BANP: variants seen among roughly 807,000 people sequenced by gnomAD.
BANP encodes protein BANP.
Under a neutral mutation model 68.1 loss-of-function variants are expected in BANP, and 11 were observed. That is an observed-to-expected ratio of 0.16 (90% confidence interval 0.10 to 0.27). The LOEUF is 0.27. BANP is among the 10% of genes least tolerant of loss of function. BANP has a pLI of 1.00. For synonymous variants in BANP, 329 were observed against 303.2 expected (o/e 1.09, Z -0.88); for missense variants, 504 against 722.7 (o/e 0.70, Z 3.47).
Position 88,018,751 on chromosome 16 carries a change from C to T in BANP, c.895+84C>T, listed in dbSNP as rs1042718331. On this transcript the variant is annotated intron_variant, in intron 7 of 13. Transcript: ENST00000682872. This position sits in a 1 kb window ranked among gnomAD's most constrained non-coding sequence, Gnocchi z 7.7. ...ATTTCAATGCTGAGGACGCTGGCAT[C>T]AGTAGCACCGGCACGGGGCTGCGTT... 4 of 1,466,712 alleles carry T rather than the reference C, an allele frequency of 2.7e-6. No individual in the cohort carries two copies. Among genetic ancestry groups the T allele is most frequent in the African/African-American group, 2.8e-5 (2 of 71,240 alleles). The allele number at this position is 1,466,712 out of a possible 1,614,324, so 90.9% of individuals were successfully genotyped here.
chr16:87,956,887 T>C (rs1206146077), intron 1 of BANP: 3 of 152,182 alleles, frequency 2.0e-5, no homozygotes, highest in Non-Finnish European at 4.4e-5. Flanking sequence ...TGAAGTGCTG[T>C]CCCAGAAGCC....
intron 7 of BANP, among the ~76,000 whole-genome samples, chr16:88,022,404 C>G (rs961370173): frequency 6.6e-6 from 1 of 152,188 alleles, no homozygotes; most frequent in Non-Finnish European, 1.5e-5. Context: ...CTAGCAGTTA[C>G]GGAAAGACTG....
intron 2 of BANP, chr16:87,980,524 G>A (rs2063056025): frequency 6.3e-6 from 1 of 159,240 alleles, no homozygotes; most frequent in Non-Finnish European, 1.4e-5. Context: ...GCCTGGGAGG[G>A]TCGGGGTTCT....
At chr16:87,967,271 T>G (rs1315962351) in intron 1 of BANP, among the ~76,000 whole-genome samples, 4 of 143,742 alleles carry the variant, frequency 2.8e-5, no homozygotes, top group African/African-American at 1.1e-4. Flanking sequence ...TTTTTTTTTT[T>G]TTTTTTTTTG....
chr16:87,995,711 G>C (rs534981344), intron 4 of BANP, among the ~76,000 whole-genome samples: 1 of 152,340 alleles, frequency 6.6e-6, no homozygotes, highest in Non-Finnish European at 1.5e-5. Flanking sequence ...TATCCTGATG[G>C]AGTTCCTCCT....
chr16:87,978,733 A>T (rs535985227), intron 2 of BANP: 235 of 457,430 alleles, frequency 5.1e-4, no homozygotes, highest in African/African-American at 4.4e-3. Flanking sequence ...CCAGTGTGTG[A>T]CCAGTGTGTC....
At chr16:88,023,070 C>T (rs2076314881) in intron 7 of BANP, among the ~76,000 whole-genome samples, 1 of 152,152 alleles carries the variant, frequency 6.6e-6, no homozygotes, top group African/African-American at 2.4e-5. Context: ...TGAGGCTGCC[C>T]TATATGTGTC....
chr16:87,999,222 G>A (rs74707362), intron 4 of BANP, among the ~76,000 whole-genome samples: 9 of 122,862 alleles, frequency 7.3e-5, no homozygotes, highest in Non-Finnish European at 1.5e-4. Flanking sequence ...TTCCAGACAC[G>A]TCTCCATGCA....
At chr16:88,073,866 T>G (rs1421906669) in intron 13 of BANP, among the ~76,000 whole-genome samples, 1 of 152,246 alleles carries the variant, frequency 6.6e-6, no homozygotes, top group East Asian at 1.9e-4. Context: ...TCCTGTAAGC[T>G]CTCTCTGTTA....
chr16:88,004,393 T>C lies in BANP; in HGVS notation c.461T>C (p.Leu154Pro). The C allele has an allele frequency of 6.5e-7, 1 of 1,537,684 alleles. No individual in the cohort carries two copies. Among genetic ancestry groups the C allele is most frequent in the Non-Finnish European group, 8.8e-7 (1 of 1,136,624 alleles). ...DPLSNRAPDS[L>P]ENVISNAVPG... Reference sequence around the variant, plus strand: ...TTGAGCAACAGGGCACCGGATTCCCTGGAAAATGTCATTAGCAAGTCAGTA... The same window carrying C: ...TTGAGCAACAGGGCACCGGATTCCCCGGAAAATGTCATTAGCAAGTCAGTA... The change falls in exon 5 of 14, where the codon CTG becomes CCG. Residue 154 changes from leucine (L) to proline (P), a missense_variant. Physicochemically the swap from Leu to Pro is moderately conservative, Grantham distance 98. This residue lies in a region of BANP where 238 missense variants were observed against 278.9 expected (regional missense o/e 0.85). Coordinates refer to ENST00000682872, the MANE Select transcript of BANP (RefSeq NM_001386991.1). This position sits in a 1 kb window ranked among gnomAD's most constrained non-coding sequence, Gnocchi z 7.0.
At chr16:88,015,597 C>T (rs2074353997) in intron 6 of BANP, among the ~76,000 whole-genome samples, 1 of 152,252 alleles carries the variant, frequency 6.6e-6, no homozygotes, top group Admixed American at 6.5e-5. Flanking sequence ...TCCCGCTTCC[C>T]TGCTTGGGGT....
In BANP at chr16:88,071,415, A is replaced by G. The variant is rs1187125018; in HGVS notation, c.1378-654A>G. On this transcript the variant is annotated intron_variant, in intron 12 of 13. Transcript: ENST00000682872. This position sits in a 1 kb window ranked among gnomAD's most constrained non-coding sequence, Gnocchi z 6.5. The stretch of plus-strand genomic sequence containing the variant: ...GCGATGGGGTCACCAGAGCCCACCC[A>G]GGGGCCTCGCCTGTCCCCCATTCTC... The G allele has an allele frequency of 8.8e-6, 4 of 452,944 alleles. No homozygotes were observed. The highest frequency in any genetic ancestry group is 1.8e-5 in the Non-Finnish European group (4 of 224,912). The allele number at this position is 452,944 out of a possible 1,614,324, so 28.1% of individuals were successfully genotyped here. A position where few individuals can be genotyped will look rare whatever the true frequency, so the allele number is the denominator to read the frequency against.
At chr16:87,997,834 T>C (rs954708639) in intron 4 of BANP, among the ~76,000 whole-genome samples, 1 of 152,256 alleles carries the variant, frequency 6.6e-6, no homozygotes, top group African/African-American at 2.4e-5. Context: ...TGTTACTTCC[T>C]GGTGAGTCCC....
Position 88,052,728 on chromosome 16 carries a change from C to T in BANP, c.1312-12539C>T, listed in dbSNP as rs532937840. Among the ~76,000 whole-genome samples the T allele has an allele frequency of 3.8e-4, 58 of 152,000 alleles. 3 individuals are homozygous for T. The South Asian group carries it at 9.8e-3, about 26-fold the overall frequency. ...TCTCCATCATCATCACCAACCCAACCACCCTAACCACTACCACCACCACCT... is the reference window on the plus strand; with the variant it reads ...TCTCCATCATCATCACCAACCCAACTACCCTAACCACTACCACCACCACCT... On this transcript the variant is annotated intron_variant, in intron 11 of 13. Transcript: ENST00000682872.
intron 6 of BANP, among the ~76,000 whole-genome samples, chr16:88,016,623 G>A (rs2074624852): frequency 6.6e-6 from 1 of 152,240 alleles, no homozygotes; most frequent in Admixed American, 6.5e-5. Context: ...TACATTCGTA[G>A]AATCCCCGGA....
chr16:88,018,175 G>A lies in BANP; in HGVS notation c.656-253G>A, dbSNP rs1360257720. On this transcript the variant is annotated intron_variant, in intron 6 of 13. Transcript: ENST00000682872. The surrounding 1 kb of genome is among the most constrained non-coding windows in gnomAD (Gnocchi z 7.7). ...GTGACCGTGTTGGCGCTCAGGTCCC[G>A]AGGCCCTGCAGCCCCACAGGCACGT... Among the ~76,000 whole-genome samples the A allele has an allele frequency of 1.3e-5, 2 of 151,922 alleles. No homozygotes were observed. The highest frequency in any genetic ancestry group is 4.8e-5 in the African/African-American group (2 of 41,338).
intron 7 of BANP, among the ~76,000 whole-genome samples, chr16:88,020,503 A>C (rs1364758652): frequency 6.6e-6 from 1 of 152,254 alleles, no homozygotes; most frequent in Non-Finnish European, 1.5e-5. Context: ...CCCTGATGGC[A>C]GAGCGTGCGG....
rs573185290 is a variant in BANP at position 88,016,534 on chromosome 16, C to T, written c.656-1894C>T. Among the ~76,000 whole-genome samples the T allele has an allele frequency of 9.2e-5, 14 of 152,330 alleles. No homozygotes were observed. In the East Asian group the frequency reaches 2.3e-3, roughly 25 times the overall value. On this transcript the variant is annotated intron_variant, in intron 6 of 13. Transcript: ENST00000682872. ...GCCGCTGTGTTCGATGACATTGACC[C>T]GTGACTCTGAGCAAGAGCTTAGATG... is the stretch of plus-strand genomic sequence containing the variant.
At chr16:88,016,442 C>T (rs866563255) in intron 6 of BANP, among the ~76,000 whole-genome samples, 1 of 152,196 alleles carries the variant, frequency 6.6e-6, no homozygotes, top group African/African-American at 2.4e-5. Flanking sequence ...TTGGCTCACA[C>T]GTCCCCTCTG....
Sources: allele counts gnomAD v4.1 joint callset (sites outside exome capture counted in the v4.1 genomes callset), GRCh38; gene constraint gnomAD v4.1.1; regional missense constraint gnomAD v4.1.1; non-coding constraint Gnocchi (gnomAD v3.1); transcripts MANE v1.5; gene names NCBI Gene and HGNC (gene_info 2026-07-23, HGNC 2026-07-21).